VPS41: variants seen among roughly 807,000 people sequenced by gnomAD.
VPS41 encodes VPS41 subunit of HOPS complex.
VPS41 carries 85 observed loss-of-function variants against 130.9 expected under a neutral mutation model. That is an observed-to-expected ratio of 0.65 (90% CI 0.55 to 0.78). The LOEUF (loss-of-function observed/expected upper bound fraction) is 0.78, where lower values mean the gene tolerates loss of function less well. Among genes scored for constraint, VPS41 ranks in the 30% least tolerant of loss-of-function variants. VPS41 has a pLI of 0.00. For missense variants in VPS41, 874 were observed against 1,018.7 expected (o/e 0.86, Z 1.93); for synonymous variants, 335 against 332.9 (o/e 1.01, Z -0.07).
intron 7 of VPS41, among the ~76,000 whole-genome samples, chr7:38,804,387 T>G (rs1246096195): frequency 1.3e-5 from 2 of 152,194 alleles, no homozygotes; most frequent in African/African-American, 4.8e-5. Context: ...TATGTATCCA[T>G]GTGTTCTCAT....
At chr7:38,809,300 T>A (rs894772076) in intron 7 of VPS41, among the ~76,000 whole-genome samples, 1 of 150,158 alleles carries the variant, frequency 6.7e-6, no homozygotes, top group Non-Finnish European at 1.5e-5. Flanking sequence ...CTGGCCAACA[T>A]AGTGAAACCC....
At chr7:38,904,884 A>C (rs1300571502) in intron 1 of VPS41, among the ~76,000 whole-genome samples, 1 of 152,212 alleles carries the variant, frequency 6.6e-6, no homozygotes, top group African/African-American at 2.4e-5. Context: ...CTAATCGTGG[A>C]AATACTTTAA....
chr7:38,823,080 A>G (rs1212851312), intron 5 of VPS41, among the ~76,000 whole-genome samples: 1 of 152,162 alleles, frequency 6.6e-6, no homozygotes, highest in Non-Finnish European at 1.5e-5. Context: ...GTTCTCCCCA[A>G]ATTCACTGTG....
intron 10 of VPS41, among the ~76,000 whole-genome samples, chr7:38,789,126 T>C (rs889494047): frequency 3.3e-5 from 5 of 152,294 alleles, no homozygotes; most frequent in Middle Eastern, 3.4e-3. Context: ...GAGTCACTGA[T>C]TCATTCAACT....
intron 4 of VPS41, among the ~76,000 whole-genome samples, chr7:38,859,319 T>C (rs1786052018): frequency 6.6e-6 from 1 of 152,096 alleles, no homozygotes; most frequent in Non-Finnish European, 1.5e-5. Context: ...TAAATTGAGT[T>C]TAGCCTAAGT....
At chr7:38,757,236 CTT>C (rs1783813964) in intron 18 of VPS41, among the ~76,000 whole-genome samples, 1 of 152,070 alleles carries the variant, frequency 6.6e-6, no homozygotes, top group Admixed American at 6.6e-5. Context: ...TAAAAATGGT[CTT>C]TATTGGGGGT....
At chr7:38,739,881 T>C (rs780130425) in intron 25 of VPS41, among the ~76,000 whole-genome samples, 4 of 152,248 alleles carry the variant, frequency 2.6e-5, no homozygotes, top group Non-Finnish European at 4.4e-5. Flanking sequence ...AAAAAATATT[T>C]AGTAGCTTCT....
intron 1 of VPS41, among the ~76,000 whole-genome samples, chr7:38,903,461 C>G (rs1211572751): frequency 1.3e-5 from 2 of 152,118 alleles, no homozygotes; most frequent in African/African-American, 4.8e-5. Context: ...AGCCTGGGGC[C>G]TAAGGAAGGC....
At chr7:38,797,521 G>T (rs1784644781) in intron 7 of VPS41, among the ~76,000 whole-genome samples, 2 of 152,200 alleles carry the variant, frequency 1.3e-5, no homozygotes, top group Admixed American at 6.5e-5. Flanking sequence ...TGTAATTCTA[G>T]GAAGTCATAC....
At chr7:38,887,246 G>A (rs1404235156) in intron 2 of VPS41, among the ~76,000 whole-genome samples, 11 of 152,234 alleles carry the variant, frequency 7.2e-5, no homozygotes, top group East Asian at 1.9e-4. Context: ...AAAGCAGCAC[G>A]TTCTAACCCA....
chr7:38,826,967 C>T (rs1418735620), intron 5 of VPS41, among the ~76,000 whole-genome samples: 2 of 151,908 alleles, frequency 1.3e-5, no homozygotes, highest in South Asian at 2.1e-4. Context: ...TACAGGTGCC[C>T]GCCGCCACAC....
chr7:38,856,324 C>T (rs1160274114), intron 4 of VPS41, among the ~76,000 whole-genome samples: 1 of 151,900 alleles, frequency 6.6e-6, no homozygotes, highest in African/African-American at 2.4e-5. Context: ...ATTTAATTAC[C>T]CCCCAAGTCC....
intron 27 of VPS41, 152 bp from the exon 28 acceptor site, chr7:38,727,140 G>T: frequency 1.8e-6 from 1 of 561,580 alleles, no homozygotes; most frequent in African/African-American, 2.0e-5. Context: ...CCTGAGGGGT[G>T]GTATGATCAG....
chr7:38,783,992 A>G (rs1342311757), intron 10 of VPS41, among the ~76,000 whole-genome samples: 2 of 152,220 alleles, frequency 1.3e-5, no homozygotes, highest in Non-Finnish European at 2.9e-5. Flanking sequence ...GGAATCATTC[A>G]GTAAACCCTT....
intron 11 of VPS41, among the ~76,000 whole-genome samples, chr7:38,774,590 C>T (rs1784221289): frequency 6.6e-6 from 1 of 151,544 alleles, no homozygotes; most frequent in Non-Finnish European, 1.5e-5. Flanking sequence ...AAAAATTGAC[C>T]ACTGTAACAA....
chr7:38,873,215 T>C (rs1278751309), intron 2 of VPS41, among the ~76,000 whole-genome samples: 1 of 152,136 alleles, frequency 6.6e-6, no homozygotes, highest in African/African-American at 2.4e-5. Flanking sequence ...ATTTGATGTA[T>C]CATTTCACGC....
chr7:38,820,108 G>A (rs565878413), intron 6 of VPS41, among the ~76,000 whole-genome samples: 23 of 152,228 alleles, frequency 1.5e-4, no homozygotes, highest in African/African-American at 4.8e-4. Context: ...GAGCTCTTCC[G>A]TCTTTCATCA....
chr7:38,776,675 T>C lies in VPS41; in HGVS notation c.882+4A>G. 3.2e-6 allele frequency: 5 copies of C among 1,567,310 alleles called. No individual in the cohort carries two copies. Among genetic ancestry groups the C allele is most frequent in the Non-Finnish European group, 4.4e-6 (5 of 1,137,948 alleles). On this transcript the variant is annotated splice_donor_region_variant and intron_variant, in intron 11 of 28. Transcript: ENST00000310301. The stretch of plus-strand genomic sequence containing the variant: ...GCCTTTGTATCTGGGGAGAAAATAA[T>C]TACCGTTTTTTCTGAAATCTCCTTT...
At chr7:38,872,652 T>A (rs1786395582) in intron 2 of VPS41, among the ~76,000 whole-genome samples, 1 of 152,200 alleles carries the variant, frequency 6.6e-6, no homozygotes, top group Non-Finnish European at 1.5e-5. Flanking sequence ...GCCTACACAT[T>A]TCTATGAAAA....
Sources: allele counts gnomAD v4.1 joint callset (sites outside exome capture counted in the v4.1 genomes callset), GRCh38; gene constraint gnomAD v4.1.1; transcripts MANE v1.5; gene names NCBI Gene and HGNC (gene_info 2026-07-23, HGNC 2026-07-21).